The following NLRP8 variants were observed in gnomAD, a reference collection of about 807,000 sequenced individuals.
NLRP8 encodes the protein NACHT, LRR and PYD domains-containing protein 8.
A neutral mutation model predicts 88.7 loss-of-function variants in NLRP8; 86 were observed. That is an observed-to-expected ratio of 0.97 (90% confidence interval 0.81 to 1.16). The LOEUF is 1.16. Among genes scored for constraint, NLRP8 ranks in the 50% most tolerant of loss-of-function variants. The pLI, the probability that NLRP8 is intolerant of heterozygous loss-of-function variation, is 0.00. For synonymous variants in NLRP8, 504 were observed against 494.6 expected (o/e 1.02, Z -0.25); for missense variants, 1,342 against 1,286.5 (o/e 1.04, Z -0.66).
At chr19:55,985,408 T>C (rs1600321502) in intron 9 of NLRP8, among the ~76,000 whole-genome samples, 1 of 152,200 alleles carries the variant, frequency 6.6e-6, no homozygotes, top group South Asian at 2.1e-4. Flanking sequence ...AGAAATATAC[T>C]AGGGAAACAG....
chr19:55,979,436 G>T lies in NLRP8; in HGVS notation c.2919G>T (p.Met973Ile), dbSNP rs1365469502. The T allele has an allele frequency of 6.2e-7, 1 of 1,614,054 alleles. No homozygotes were observed. Among genetic ancestry groups the T allele is most frequent in the Non-Finnish European group, 8.5e-7 (1 of 1,180,042 alleles). ...TCACCTCCATCTGCTGCCAGGCCAT[G>T]GCTTCCATGCTCCGCAAAAACCAAC... Residue 973 changes from methionine to isoleucine, a missense_variant, in exon 9 of 10, where the codon ATG becomes ATT. By Grantham distance (10) the Met-to-Ile change is conservative (BLOSUM62 1). Transcript: ENST00000291971.
chr19:55,956,266 C>T (rs1260896732), intron 3 of NLRP8, among the ~76,000 whole-genome samples, 166 bp downstream of exon 3: 4 of 152,060 alleles, frequency 2.6e-5, no homozygotes, highest in Non-Finnish European at 5.9e-5. Flanking sequence ...TTTTTTGAGA[C>T]AGAGTGTCAC....
chr19:55,955,446 G>A lies in NLRP8; in HGVS notation c.1388G>A (p.Trp463Ter), dbSNP rs1406012998. 4 of 1,614,082 alleles carry A rather than the reference G, an allele frequency of 2.5e-6. No individual in the cohort carries two copies. The highest frequency in any genetic ancestry group is 1.7e-5 in the Admixed American group (1 of 60,008). The change falls in exon 3 of 10, where the codon TGG becomes TAG. Residue 463 changes from tryptophan to a stop codon, truncating the protein, a stop_gained. Transcript: ENST00000291971. LOFTEE classifies it high-confidence loss of function. Reference sequence around the variant, plus strand: ...TGTCACTTGGCCGCAGACAGCATGTGGCACAGGAAATGGGTGTTAGGTAAA... The same window carrying A: ...TGTCACTTGGCCGCAGACAGCATGTAGCACAGGAAATGGGTGTTAGGTAAA...
At chr19:55,967,334 C>T (rs998344631) in intron 5 of NLRP8, among the ~76,000 whole-genome samples, 9 of 152,182 alleles carry the variant, frequency 5.9e-5, no homozygotes, top group Non-Finnish European at 7.3e-5. Flanking sequence ...CCTTCCCCTG[C>T]TCTCCACCCT....
At chr19:55,967,256 A>T (rs1378723797) in intron 5 of NLRP8, among the ~76,000 whole-genome samples, 2 of 152,194 alleles carry the variant, frequency 1.3e-5, no homozygotes, top group Non-Finnish European at 2.9e-5. Context: ...AGTGAGATAT[A>T]AATAACTCCC....
chr19:55,955,564 C>T lies in NLRP8; in HGVS notation c.1506C>T (p.His502=). 6.2e-7 allele frequency: 1 copy of T among 1,614,232 alleles called. No individual in the cohort carries two copies. The highest frequency in any genetic ancestry group is 8.5e-7 in the Non-Finnish European group (1 of 1,180,048). ...GGAGAATTGCAGGTGAGGAAGACCA[C>T]TATGTCTTTACCCTCGTGACTTTTC... is the stretch of plus-strand genomic sequence containing the variant. The change falls in exon 3 of 10, where the codon CAC becomes CAT. Residue 502 remains histidine (H), a synonymous_variant. Transcript: ENST00000291971.
At position 55,954,655 on chromosome 19, in the gene NLRP8, G is replaced by C. The variant is rs1224391780; in HGVS notation, c.597G>C (p.Gln199His). The C allele has an allele frequency of 6.2e-7, 1 of 1,614,172 alleles. No individual in the cohort carries two copies. Among genetic ancestry groups the C allele is most frequent in the South Asian group, 1.1e-5 (1 of 91,086 alleles). ...GTCTGCTTCTGCCCAAAAGACCCCAGGGTAGACAGCCCAAGACCGTGGCCA... is the reference window on the plus strand; with the variant it reads ...GTCTGCTTCTGCCCAAAAGACCCCACGGTAGACAGCCCAAGACCGTGGCCA... Residue 199 changes from glutamine (Q) to histidine (H), a missense_variant, in exon 3 of 10, where the codon CAG (glutamine) becomes CAC (histidine). Physicochemically the swap from Gln to His is conservative, Grantham distance 24 (BLOSUM62 0). Coordinates refer to ENST00000291971, the MANE Select transcript of NLRP8 (RefSeq NM_176811.2).
chr19:55,954,863 G>A lies in NLRP8; in HGVS notation c.805G>A (p.Asp269Asn), dbSNP rs1167658477. 6 of 1,614,028 alleles carry A rather than the reference G, an allele frequency of 3.7e-6. No homozygotes were observed. In the East Asian group the frequency reaches 1.1e-4, roughly 30 times the overall value. ...TGAGCAAAAGTGGCCTGGATCTCAG[G>A]ACCTCGTGTCAAAGATTATGTCCAA... is the stretch of plus-strand genomic sequence containing the variant. Residue 269 changes from aspartate to asparagine, a missense_variant, in exon 3 of 10, where the codon GAC becomes AAC. By Grantham distance (23) the Asp-to-Asn change is conservative (BLOSUM62 1). Coordinates refer to ENST00000291971, the MANE Select transcript of NLRP8 (RefSeq NM_176811.2).
intron 8 of NLRP8, among the ~76,000 whole-genome samples, chr19:55,978,896 C>T (rs1980458045): frequency 6.6e-6 from 1 of 152,088 alleles, no homozygotes; most frequent in East Asian, 1.9e-4. Context: ...TGCACTCCAG[C>T]CTGGGCAACA....
intron 4 of NLRP8, among the ~76,000 whole-genome samples, chr19:55,962,966 C>T (rs1979680357): frequency 6.6e-6 from 1 of 152,104 alleles, no homozygotes; most frequent in African/African-American, 2.4e-5. Flanking sequence ...GACCTGAGCA[C>T]TGAGTATGGT....
At position 55,952,523 on chromosome 19, in the gene NLRP8, T is replaced by C; in HGVS notation, c.368-15T>C. ...TTATCATTCCCGTGGAACAGCCTCC[T>C]TTTTTCTGTTACAGCCATTCTGCCT... On this transcript the variant is annotated splice_polypyrimidine_tract_variant and intron_variant, in intron 1 of 9. Transcript: ENST00000291971. 1 of 1,610,406 alleles carries C rather than the reference T, an allele frequency of 6.2e-7. No homozygotes were observed. The highest frequency in any genetic ancestry group is 8.5e-7 in the Non-Finnish European group (1 of 1,176,882).
At chr19:55,964,060 C>CAG (rs1283541010) in intron 4 of NLRP8, among the ~76,000 whole-genome samples, 6 of 152,180 alleles carry the variant, frequency 3.9e-5, no homozygotes, top group Non-Finnish European at 8.8e-5. Context: ...GCCACCACTC[C>CAG]ATACGCTATC....
Position 55,962,058 on chromosome 19 carries a change from T to C in NLRP8, c.2043-9T>C, listed in dbSNP as rs762991458. The C allele has an allele frequency of 2.5e-6, 4 of 1,612,582 alleles. No homozygotes were observed. The South Asian group carries it at 4.4e-5, about 18-fold the overall frequency. ...AAGAGGTGTTTTCTCTCTTCTCCCT[T>C]CCATGTAGAGCGCCAGAGAGCAATG... On this transcript the variant is annotated splice_polypyrimidine_tract_variant and intron_variant, in intron 3 of 9. Coordinates refer to ENST00000291971, the MANE Select transcript of NLRP8 (RefSeq NM_176811.2).
At chr19:55,970,777 G>A (rs1980043033) in intron 6 of NLRP8, 81 bp downstream of exon 6, 1 of 1,567,398 alleles carries the variant, frequency 6.4e-7, no homozygotes, top group Admixed American at 1.8e-5. Context: ...TGTGAGAAAA[G>A]AAGTCATAGG....
chr19:55,959,597 A>G (rs1026412222), intron 3 of NLRP8, among the ~76,000 whole-genome samples: 5 of 152,162 alleles, frequency 3.3e-5, no homozygotes, highest in Non-Finnish European at 5.9e-5. Flanking sequence ...ATATCACTTC[A>G]TATTTCTTGG....
In NLRP8 at chr19:55,954,852, C is replaced by G; in HGVS notation, c.794C>G (p.Pro265Arg). 6.2e-7 allele frequency: 1 copy of G among 1,614,162 alleles called. No individual in the cohort carries two copies. The highest frequency in any genetic ancestry group is 8.5e-7 in the Non-Finnish European group (1 of 1,180,034). The change falls in exon 3 of 10, where the codon CCT (proline) becomes CGT (arginine). Residue 265 changes from proline (P) to arginine (R), a missense_variant. Coordinates refer to ENST00000291971, the MANE Select transcript of NLRP8 (RefSeq NM_176811.2). Reference sequence around the variant, plus strand: ...TCCGAGCTGATTGAGCAAAAGTGGCCTGGATCTCAGGACCTCGTGTCAAAG... The same window carrying G: ...TCCGAGCTGATTGAGCAAAAGTGGCGTGGATCTCAGGACCTCGTGTCAAAG...
intron 4 of NLRP8, among the ~76,000 whole-genome samples, chr19:55,963,139 G>A (rs1014840346): frequency 5.9e-5 from 9 of 151,908 alleles, no homozygotes; most frequent in East Asian, 3.9e-4. Context: ...TCAGCCTCCC[G>A]AGTAGCTGGG....
At chr19:55,970,202 C>A (rs1254342466) in intron 5 of NLRP8, among the ~76,000 whole-genome samples, 2 of 152,118 alleles carry the variant, frequency 1.3e-5, no homozygotes, top group East Asian at 3.8e-4. Context: ...CTATAATATA[C>A]ACATAAATGA....
At position 55,948,114 on chromosome 19, in the gene NLRP8, T is replaced by A. The variant is rs572346350; in HGVS notation, c.212T>A (p.Ile71Asn). The A allele has an allele frequency of 3.1e-6, 5 of 1,614,186 alleles. No individual in the cohort carries two copies. The highest frequency in any genetic ancestry group is 1.6e-4 in the Middle Eastern group (1 of 6,062). The change falls in exon 1 of 10, where the codon ATC becomes AAC. Residue 71 changes from isoleucine (I) to asparagine (N), a missense_variant. Physicochemically the swap from Ile to Asn is moderately radical, Grantham distance 149. Transcript: ENST00000291971. ...GAGCTCAGTACTGGCACCATGCCCA[T>A]CACCTGGGACCAGGTCGAGACAGCC...
Sources: gnomAD v4.1 joint callset for allele counts (sites outside exome capture counted in the v4.1 genomes callset) on GRCh38, gnomAD v4.1.1 for gene constraint, MANE v1.5 for transcripts, NCBI Gene and HGNC (gene_info 2026-07-23, HGNC 2026-07-21) for gene names.